ENTPD3: variants seen among roughly 807,000 people sequenced by gnomAD.
The protein encoded by ENTPD3 is ectonucleoside triphosphate diphosphohydrolase 3, also known as CD39 antigen-like 3.
A neutral mutation model predicts 51.2 loss-of-function variants in ENTPD3; 60 were observed. That is an observed-to-expected ratio of 1.17 (90% CI 0.95 to 1.45). The LOEUF (loss-of-function observed/expected upper bound fraction) is 1.45. ENTPD3 is among the 40% of genes most tolerant of loss of function. The pLI is 0.00. For synonymous variants in ENTPD3, 221 were observed against 238.4 expected (o/e 0.93, Z 0.67); for missense variants, 593 against 641.1 (o/e 0.93, Z 0.81).
At chr3:40,403,055 G>A (rs533577883) in intron 4 of ENTPD3, among the ~76,000 whole-genome samples, 25 of 152,248 alleles carry the variant, frequency 1.6e-4, no homozygotes, top group Non-Finnish European at 2.6e-4. Flanking sequence ...CTCCCAGCCC[G>A]AGCAGCCTCC....
intron 4 of ENTPD3, among the ~76,000 whole-genome samples, chr3:40,405,402 G>C (rs6797651): frequency 3.9e-4 from 60 of 152,192 alleles, no homozygotes; most frequent in African/African-American, 1.4e-3. Flanking sequence ...CTTCTCGGGA[G>C]GCTGAGGCAG....
intron 3 of ENTPD3, among the ~76,000 whole-genome samples, chr3:40,393,816 G>A (rs12490249): frequency 0.26 from 39,142 of 151,690 alleles, 5,955 homozygotes; most frequent in East Asian, 0.51. Context: ...AGGCCGAGGC[G>A]GGCGGATCAC....
intron 2 of ENTPD3, among the ~76,000 whole-genome samples, chr3:40,388,829 G>A (rs1285300383): frequency 6.6e-6 from 1 of 152,090 alleles, no homozygotes; most frequent in Non-Finnish European, 1.5e-5. Flanking sequence ...AAGCTTTTCT[G>A]CAAGGACAAG....
At chr3:40,388,003 G>A (rs944858279) in intron 1 of ENTPD3, 43 bp from the exon 2 acceptor site, 7 of 1,528,088 alleles carry the variant, frequency 4.6e-6, no homozygotes, top group South Asian at 2.2e-5. Context: ...TTGTGAGGCC[G>A]GGGCGGTGGA....
chr3:40,417,881 C>T (rs1029013826), intron 7 of ENTPD3, among the ~76,000 whole-genome samples: 1 of 152,128 alleles, frequency 6.6e-6, no homozygotes, highest in African/African-American at 2.4e-5. Flanking sequence ...AGGTGAAATC[C>T]TCCTTTTTCC....
At position 40,397,119 on chromosome 3, in the gene ENTPD3, C is replaced by CTTTTTTTTTTTTTT. The variant is rs3064608; in HGVS notation, c.169-3768_169-3755dup. On this transcript the variant is annotated intron_variant, in intron 3 of 10. Transcript: ENST00000301825. Reference sequence around the variant, plus strand: ...AGAGTAAGAGTTGGATAATTAGTTTCTTTTTTTTTTTTTTTTTTTTCAGAA... The same window carrying CTTTTTTTTTTTTTT: ...AGAGTAAGAGTTGGATAATTAGTTTCTTTTTTTTTTTTTTTTTTTTTTTTTTTTTTTTTTCAGAA... Among the ~76,000 whole-genome samples the CTTTTTTTTTTTTTT allele has an allele frequency of 4.2e-4, 43 of 101,300 alleles. 8 individuals are homozygous for CTTTTTTTTTTTTTT. Among genetic ancestry groups the CTTTTTTTTTTTTTT allele is most frequent in the African/African-American group, 1.4e-3 (37 of 26,922 alleles). 66.5% of individuals were successfully genotyped at this position (101,300 alleles called of 152,430 possible).
At chr3:40,405,361 C>T (rs575948057) in intron 4 of ENTPD3, among the ~76,000 whole-genome samples, 10 of 151,878 alleles carry the variant, frequency 6.6e-5, no homozygotes, top group African/African-American at 1.4e-4. Flanking sequence ...AAAAATTAGC[C>T]GGGCTTGGTG....
intron 3 of ENTPD3, among the ~76,000 whole-genome samples, chr3:40,394,046 C>CT (rs1238402571): frequency 5.2e-5 from 2 of 38,474 alleles, no homozygotes; most frequent in African/African-American, 2.2e-4. Flanking sequence ...GAGACTCTGT[C>CT]TCAAAAAAAA....
Position 40,388,151 on chromosome 3 carries a change from C to G in ENTPD3, c.40+54C>G. ...TGGTTTTGCCAAATCGCAAGAGAAC[C>G]CCAGCTTCGGCCTACAGTTTTTCAT... On this transcript the variant is annotated intron_variant, in intron 2 of 10. Coordinates refer to ENST00000301825, the MANE Select transcript of ENTPD3 (RefSeq NM_001248.4). 5.2e-6 allele frequency: 8 copies of G among 1,538,140 alleles called. No homozygotes were observed. The South Asian group carries it at 8.9e-5, about 17-fold the overall frequency.
chr3:40,407,464 C>T (rs930083750), intron 4 of ENTPD3, among the ~76,000 whole-genome samples: 1 of 151,870 alleles, frequency 6.6e-6, no homozygotes. Context: ...AAAAATTATT[C>T]TTCACTTGCA....
At chr3:40,420,112 T>C (rs1310513660) in intron 7 of ENTPD3, among the ~76,000 whole-genome samples, 7 of 152,226 alleles carry the variant, frequency 4.6e-5, no homozygotes, top group African/African-American at 1.7e-4. Context: ...TTTATAGTTT[T>C]AATCATTTTA....
intron 4 of ENTPD3, among the ~76,000 whole-genome samples, chr3:40,406,326 A>C (rs1955496582): frequency 6.6e-6 from 1 of 152,164 alleles, no homozygotes; most frequent in African/African-American, 2.4e-5. Flanking sequence ...TGGCTGGAAG[A>C]AAGATGAGAA....
chr3:40,416,087 G>C lies in ENTPD3; in HGVS notation c.831+14G>C, dbSNP rs767529366. 1.2e-6 allele frequency: 2 copies of C among 1,601,812 alleles called. No homozygotes were observed. Among genetic ancestry groups the C allele is most frequent in the African/African-American group, 2.7e-5 (2 of 74,692 alleles). Reference sequence around the variant, plus strand: ...ATGCTCCTGCAGGTACTTGAGTCGGGGGTAGGGGGTGGCAGGTGTTCTCTT... The same window carrying C: ...ATGCTCCTGCAGGTACTTGAGTCGGCGGTAGGGGGTGGCAGGTGTTCTCTT... On this transcript the variant is annotated intron_variant, in intron 7 of 10. Transcript: ENST00000301825.
intron 4 of ENTPD3, among the ~76,000 whole-genome samples, chr3:40,404,372 G>A (rs1050998641): frequency 5.3e-5 from 8 of 152,212 alleles, no homozygotes; most frequent in Admixed American, 3.3e-4. Flanking sequence ...CACAATCAGA[G>A]CTCCTGGTGG....
intron 3 of ENTPD3, among the ~76,000 whole-genome samples, chr3:40,398,539 C>T (rs1485890516): frequency 6.6e-6 from 1 of 152,154 alleles, no homozygotes; most frequent in Non-Finnish European, 1.5e-5. Context: ...GAGTCGCTGC[C>T]TGTGACAGAT....
At chr3:40,403,417 G>A (rs193198780) in intron 4 of ENTPD3, among the ~76,000 whole-genome samples, 15 of 152,288 alleles carry the variant, frequency 9.8e-5, no homozygotes, top group East Asian at 7.7e-4. Flanking sequence ...CAGCTGATCC[G>A]TTATGCTGCA....
rs754861982 is a variant in ENTPD3 at position 40,423,884 on chromosome 3, C to A, written c.1274C>A (p.Ala425Asp). 1 of 1,614,134 alleles carries A rather than the reference C, an allele frequency of 6.2e-7. No individual in the cohort carries two copies. The highest frequency in any genetic ancestry group is 8.5e-7 in the Non-Finnish European group (1 of 1,180,000). Reference protein sequence around the residue: ...EVYARSYCFSANYIYHLFVNG... With the variant: ...EVYARSYCFSDNYIYHLFVNG... ...TATGCCCGCTCTTACTGCTTCTCAG[C>A]CAACTACATCTACCACTTGTTTGTG... is the stretch of plus-strand genomic sequence containing the variant. The change falls in exon 10 of 11, where the codon GCC becomes GAC. Residue 425 changes from alanine to aspartate, a missense_variant. Coordinates refer to ENST00000301825, the MANE Select transcript of ENTPD3 (RefSeq NM_001248.4).
At chr3:40,427,004 C>T (rs1955998149) in intron 10 of ENTPD3, among the ~76,000 whole-genome samples, 1 of 152,188 alleles carries the variant, frequency 6.6e-6, no homozygotes, top group Non-Finnish European at 1.5e-5. Context: ...AACACTTTCA[C>T]TGTTATTAAC....
intron 5 of ENTPD3, among the ~76,000 whole-genome samples, chr3:40,412,317 T>A (rs1473301062): frequency 6.6e-6 from 1 of 152,206 alleles, no homozygotes; most frequent in Non-Finnish European, 1.5e-5. Flanking sequence ...AGTTTGGTAG[T>A]AAGTACAACC....
Sources: allele counts gnomAD v4.1 joint callset (sites outside exome capture counted in the v4.1 genomes callset), GRCh38; gene constraint gnomAD v4.1.1; transcripts MANE v1.5; gene names NCBI Gene and HGNC (gene_info 2026-07-23, HGNC 2026-07-21).